MYO1D: variants seen among roughly 807,000 people sequenced by gnomAD.
The protein encoded by MYO1D is myosin ID, also known as unconventional myosin-Id.
Under a neutral mutation model 122.0 loss-of-function variants are expected in MYO1D, and 83 were observed. That is an observed-to-expected ratio of 0.68 (90% confidence interval 0.57 to 0.82). The LOEUF (loss-of-function observed/expected upper bound fraction) is 0.82, where lower values mean the gene tolerates loss of function less well. Ranked by LOEUF, MYO1D falls within the 40% of genes least tolerant of loss-of-function variation. MYO1D has a pLI of 0.00. For synonymous variants in MYO1D, 464 were observed against 446.9 expected, an observed-to-expected ratio of 1.04 and a Z score of -0.48; for missense variants, 1,157 against 1,269.5, an observed-to-expected ratio of 0.91 and a Z score of 1.35.
chr17:32,650,905 C>T (rs2088379236), intron 19 of MYO1D, among the ~76,000 whole-genome samples: 1 of 151,886 alleles, frequency 6.6e-6, no homozygotes, highest in Non-Finnish European at 1.5e-5. Context: ...TTTTTTTCTC[C>T]TTATGAGTTG....
rs141849376 is a variant in MYO1D, at chr17:32,830,873, C to T, written c.95+45905G>A. On this transcript the variant is annotated intron_variant, in intron 1 of 21. Coordinates refer to ENST00000318217, the MANE Select transcript of MYO1D (RefSeq NM_015194.3). ...AGGAGATGGAGACCAACCTGTGTAA[C>T]GGTGAAACCCGTCTCTACTAAAAAT... Among the ~76,000 whole-genome samples the T allele has an allele frequency of 4.8e-3, 730 of 152,152 alleles. 7 individuals are homozygous for T. Among genetic ancestry groups the T allele is most frequent in the African/African-American group, 0.016 (682 of 41,516 alleles).
chr17:32,816,508 T>C (rs556192496), intron 1 of MYO1D, among the ~76,000 whole-genome samples: 2 of 152,352 alleles, frequency 1.3e-5, no homozygotes, highest in South Asian at 4.1e-4. Context: ...TCCACCTGAT[T>C]GCTGTAGTAC....
intron 2 of MYO1D, among the ~76,000 whole-genome samples, chr17:32,780,242 G>T (rs550712556): frequency 1.3e-5 from 2 of 151,966 alleles, no homozygotes; most frequent in Admixed American, 6.6e-5. Flanking sequence ...TTTCATTTTC[G>T]TTGGTTTCAT....
At chr17:32,659,815 C>T (rs2291636) in intron 16 of MYO1D, among the ~76,000 whole-genome samples, 8,840 of 152,158 alleles carry the variant, frequency 0.058, 347 homozygotes, top group East Asian at 0.19. Context: ...AGCCTGTGCA[C>T]CTCCTCTCCC....
intron 20 of MYO1D, among the ~76,000 whole-genome samples, chr17:32,610,770 T>C (rs1260392301): frequency 6.6e-6 from 1 of 152,154 alleles, no homozygotes; most frequent in African/African-American, 2.4e-5. Flanking sequence ...TTTTAAAACC[T>C]TACAACACCA....
chr17:32,541,584 A>G (rs1426518634), intron 21 of MYO1D, among the ~76,000 whole-genome samples: 1 of 152,240 alleles, frequency 6.6e-6, no homozygotes, highest in Non-Finnish European at 1.5e-5. Flanking sequence ...ATGTGAATTT[A>G]TATCACAATA....
intron 1 of MYO1D, among the ~76,000 whole-genome samples, chr17:32,812,978 A>G (rs965295789): frequency 6.6e-6 from 1 of 152,178 alleles, no homozygotes; most frequent in African/African-American, 2.4e-5. Flanking sequence ...ACTTATACAC[A>G]TGGAGTCATC....
chr17:32,757,634 C>T lies in MYO1D; in HGVS notation c.1297-1972G>A, dbSNP rs142686859. ...TATTAATAGTTGACATCTTAGACTT[C>T]GGGACTGTGAAATTAAAGACGAAGT... On this transcript the variant is annotated intron_variant, in intron 10 of 21. Transcript: ENST00000318217. Among the ~76,000 whole-genome samples the T allele has an allele frequency of 9.8e-3, 1,485 of 152,198 alleles. 34 individuals carry two copies. The highest frequency in any genetic ancestry group is 0.033 in the African/African-American group (1,381 of 41,514).
At chr17:32,594,215 A>C (rs2087467431) in intron 21 of MYO1D, 1 of 208,414 alleles carries the variant, frequency 4.8e-6, no homozygotes, top group Non-Finnish European at 9.5e-6. Context: ...GTTTTAAATT[A>C]CCATATTTTA....
chr17:32,638,380 C>T (rs536797938), intron 20 of MYO1D, among the ~76,000 whole-genome samples: 70 of 152,114 alleles, frequency 4.6e-4, no homozygotes, highest in African/African-American at 1.7e-3. Flanking sequence ...TAAGTAATCC[C>T]CTACCGATTT....
rs2089733560 is a variant in MYO1D, at chr17:32,738,398, G to GA, written c.1614-14dup. ...CACAGGATTTGAACTGAGAAGCACAGAAAAAACAATTCAAATGTCACATTC... is the reference window on the plus strand; with the variant it reads ...CACAGGATTTGAACTGAGAAGCACAGAAAAAAACAATTCAAATGTCACATTC... On this transcript the variant is annotated splice_polypyrimidine_tract_variant and intron_variant, in intron 13 of 21. Transcript: ENST00000318217. The GA allele has an allele frequency of 1.3e-6, 2 of 1,549,240 alleles. No individual in the cohort carries two copies. Among genetic ancestry groups the GA allele is most frequent in the South Asian group, 1.3e-5 (1 of 78,622 alleles).
chr17:32,845,811 C>T (rs1381922637), intron 1 of MYO1D, among the ~76,000 whole-genome samples: 1 of 152,190 alleles, frequency 6.6e-6, no homozygotes, highest in Admixed American at 6.5e-5. Flanking sequence ...TGATGTGATT[C>T]CCACTCCAAG....
chr17:32,806,845 G>A (rs2090518021), intron 1 of MYO1D, among the ~76,000 whole-genome samples: 1 of 152,160 alleles, frequency 6.6e-6, no homozygotes, highest in Non-Finnish European at 1.5e-5. Context: ...TTCTTTGCCT[G>A]CCCTTTAGTT....
chr17:32,677,580 A>T (rs1028367160), intron 16 of MYO1D, among the ~76,000 whole-genome samples: 36 of 135,880 alleles, frequency 2.6e-4, no homozygotes, highest in South Asian at 4.8e-4. Context: ...TAGATAGATA[A>T]ATATATATAT....
intron 21 of MYO1D, among the ~76,000 whole-genome samples, chr17:32,540,997 G>T (rs1227158168): frequency 6.6e-6 from 1 of 151,952 alleles, no homozygotes; most frequent in East Asian, 1.9e-4. Flanking sequence ...TACGCTGCTG[G>T]TAGAAATACA....
chr17:32,581,497 CCCTT>C (rs1597910060), intron 21 of MYO1D, among the ~76,000 whole-genome samples: 2 of 151,714 alleles, frequency 1.3e-5, no homozygotes. Context: ...CTCCCTCCCT[CCCTT>C]CCCTTTTCCT....
intron 12 of MYO1D, 118 bp from the exon 13 acceptor site, chr17:32,745,403 C>T: frequency 1.6e-6 from 1 of 641,746 alleles, no homozygotes. Flanking sequence ...AATCTAAAAG[C>T]TGATATTGTT....
intron 16 of MYO1D, among the ~76,000 whole-genome samples, chr17:32,660,129 C>T (rs2088542204): frequency 6.6e-6 from 1 of 152,178 alleles, no homozygotes; most frequent in Non-Finnish European, 1.5e-5. Flanking sequence ...CCTTCTTCCA[C>T]AATATGGAAG....
rs141348289 is a variant in MYO1D at position 32,648,752 on chromosome 17, C to T, written c.2595+5091G>A. ...AGCCATAATCTTTGCCTTTTAATTGCGGTGTGTTTAGACCATTGACATTTA... is the reference window on the plus strand; with the variant it reads ...AGCCATAATCTTTGCCTTTTAATTGTGGTGTGTTTAGACCATTGACATTTA... On this transcript the variant is annotated intron_variant, in intron 19 of 21. Coordinates refer to ENST00000318217, the MANE Select transcript of MYO1D (RefSeq NM_015194.3). Among the ~76,000 whole-genome samples the T allele has an allele frequency of 3.9e-4, 60 of 152,276 alleles. 1 individual carries two copies. Among genetic ancestry groups the T allele is most frequent in the Admixed American group, 1.6e-3 (24 of 15,286 alleles).
Sources: allele counts gnomAD v4.1 joint callset (sites outside exome capture counted in the v4.1 genomes callset), GRCh38; gene constraint gnomAD v4.1.1; transcripts MANE v1.5; gene names NCBI Gene and HGNC (gene_info 2026-07-23, HGNC 2026-07-21).